Variants in TMEM143 observed in about 807,000 individuals in gnomAD.
The protein encoded by TMEM143 is transmembrane protein 143.
In TMEM143, 45 loss-of-function variants were observed where a neutral mutation model predicts 40.3. The ratio of observed to expected loss-of-function variants is 1.12; its 90% CI spans 0.88 to 1.43. The LOEUF (loss-of-function observed/expected upper bound fraction) is 1.43. Among genes scored for constraint, TMEM143 ranks in the 40% most tolerant of loss-of-function variants. TMEM143 has a pLI of 0.00. For missense variants in TMEM143, 620 were observed against 613.4 expected (o/e 1.01, Z -0.11); for synonymous variants, 299 against 282.7 (o/e 1.06, Z -0.58).
intron 3 of TMEM143, among the ~76,000 whole-genome samples, chr19:48,355,368 G>A (rs1344042987): frequency 2.0e-5 from 3 of 152,086 alleles, no homozygotes; most frequent in East Asian, 1.9e-4. Flanking sequence ...AAAAACAACC[G>A]TGGCTCCAGA....
At chr19:48,362,766 C>T (rs1307404398) in intron 2 of TMEM143, among the ~76,000 whole-genome samples, 1 of 152,140 alleles carries the variant, frequency 6.6e-6, no homozygotes, top group Non-Finnish European at 1.5e-5. Flanking sequence ...TGGTTCAAAT[C>T]TAAGCCACTA....
intron 3 of TMEM143, among the ~76,000 whole-genome samples, chr19:48,357,577 C>T (rs893648937): frequency 8.0e-5 from 12 of 150,784 alleles, no homozygotes; most frequent in African/African-American, 2.2e-4. Context: ...AGGATGGTCT[C>T]GATCTCCTGA....
intron 3 of TMEM143, among the ~76,000 whole-genome samples, chr19:48,352,256 A>AAAAAAAAAAAC (rs1555887047): frequency 1.4e-5 from 2 of 147,224 alleles, no homozygotes; most frequent in East Asian, 4.0e-4. Flanking sequence ...CAAAAAAAAA[A>AAAAAAAAAAAC]AAAAAACACC....
rs1458293278 is a variant in TMEM143, at chr19:48,343,413, G to C, written c.603C>G (p.Phe201Leu). Residue 201 changes from phenylalanine (F) to leucine (L), a missense_variant, in exon 5 of 8, where the codon TTC becomes TTG. Coordinates refer to ENST00000293261, the MANE Select transcript of TMEM143 (RefSeq NM_018273.4). The part of the protein sequence containing the change: ...VNLDQYVYIH[F>L]WALGQRVGQM... ...GCCCGACTCGCTGGCCCAGGGCCCA[G>C]AAGTGAATGTAGACATACTGATCCA... The C allele has an allele frequency of 1.9e-6, 3 of 1,591,746 alleles. No individual in the cohort carries two copies. Among genetic ancestry groups the C allele is most frequent in the African/African-American group, 2.7e-5 (2 of 74,514 alleles).
intron 6 of TMEM143, among the ~76,000 whole-genome samples, chr19:48,339,539 G>A (rs1053064403): frequency 6.6e-6 from 1 of 152,164 alleles, no homozygotes; most frequent in African/African-American, 2.4e-5. Context: ...GGAGGGTTGA[G>A]GCAGCTGGAC....
chr19:48,355,243 C>T (rs1168106116), intron 3 of TMEM143, among the ~76,000 whole-genome samples: 1 of 152,094 alleles, frequency 6.6e-6, no homozygotes, highest in Admixed American at 6.6e-5. Flanking sequence ...GTTTGCCAGA[C>T]TGGTCTCGAA....
rs766616891 is a variant in TMEM143, at chr19:48,334,083, C to G, written c.1090G>C (p.Glu364Gln). 2.5e-6 allele frequency: 4 copies of G among 1,588,618 alleles called. No homozygotes were observed. The highest frequency in any genetic ancestry group is 3.4e-6 in the Non-Finnish European group (4 of 1,168,932). Residue 364 changes from glutamate to glutamine, a missense_variant, in exon 7 of 8, where the codon GAG becomes CAG. Transcript: ENST00000293261. ...LSALALRAQD[E>Q]HTKEALLAHS... is the part of the protein sequence containing the mutation. ...GCCAGCAGCGCCTCCTTGGTGTGCT[C>G]GTCCTGCGCGCGCAGGGCCAGGGCG... is the stretch of plus-strand genomic sequence containing the variant.
At chr19:48,334,410 TTTTCTC>T (rs1251085443) in intron 6 of TMEM143, among the ~76,000 whole-genome samples, 1 of 120,778 alleles carries the variant, frequency 8.3e-6, no homozygotes, top group South Asian at 2.7e-4. Context: ...TTTTCTTTCT[TTTTCTC>T]TCTTTCTTTC....
Position 48,333,944 on chromosome 19 carries a change from T to C in TMEM143, c.1165+64A>G. 6.9e-7 allele frequency: 1 copy of C among 1,445,304 alleles called. No homozygotes were observed. The highest frequency in any genetic ancestry group is 2.6e-5 in the Admixed American group (1 of 38,918). 89.5% of individuals were successfully genotyped at this position (1,445,304 alleles called of 1,614,324 possible). ...TGGGAACTGGGGGTGGGGACGCATC[T>C]CGCTGGGGCGGGGCCTCGCGGGGGT... is the stretch of plus-strand genomic sequence containing the variant. On this transcript the variant is annotated intron_variant, in intron 7 of 7. Coordinates refer to ENST00000293261, the MANE Select transcript of TMEM143 (RefSeq NM_018273.4). This position sits in a 1 kb window ranked among gnomAD's most constrained non-coding sequence, Gnocchi z 4.1.
In TMEM143 at chr19:48,338,974, G is replaced by A. The variant is rs547474163; in HGVS notation, c.975+3556C>T. Among the ~76,000 whole-genome samples, 18 of 152,296 alleles carry A rather than the reference G, an allele frequency of 1.2e-4. No homozygotes were observed. In the East Asian group the frequency reaches 2.3e-3, roughly 20 times the overall value. On this transcript the variant is annotated intron_variant, in intron 6 of 7. Coordinates refer to ENST00000293261, the MANE Select transcript of TMEM143 (RefSeq NM_018273.4). ...AACAGCACAGGCAAAGGCAGAGAAC[G>A]AGGGATGGCAGGGTGGGGGCGCCGC...
At chr19:48,341,012 C>T (rs918531063) in intron 6 of TMEM143, among the ~76,000 whole-genome samples, 3 of 152,226 alleles carry the variant, frequency 2.0e-5, no homozygotes, top group African/African-American at 4.8e-5. Flanking sequence ...AGTATGCCAG[C>T]ACCCTCTCAG....
Position 48,333,165 on chromosome 19 carries a change from A to G in TMEM143, c.*54T>C. The G allele has an allele frequency of 7.6e-7, 1 of 1,315,350 alleles. No homozygotes were observed. Among genetic ancestry groups the G allele is most frequent in the Non-Finnish European group, 1.0e-6 (1 of 989,996 alleles). 81.5% of individuals were successfully genotyped at this position (1,315,350 alleles called of 1,614,324 possible). The stretch of plus-strand genomic sequence containing the variant: ...AACCGTAATTGACAGCCTGTCGTGA[A>G]GGAGGCGGGGCTTAGTTCCTAGCCT... On this transcript the variant is annotated 3_prime_UTR_variant, in exon 8 of 8. Coordinates refer to ENST00000293261, the MANE Select transcript of TMEM143 (RefSeq NM_018273.4). The surrounding 1 kb of genome is among the most constrained non-coding windows in gnomAD (Gnocchi z 4.1).
chr19:48,352,783 AT>A (rs1969806115), intron 3 of TMEM143, among the ~76,000 whole-genome samples: 1 of 151,656 alleles, frequency 6.6e-6, no homozygotes, highest in African/African-American at 2.4e-5. Flanking sequence ...TCAGAAAAAA[AT>A]ATATATATAT....
chr19:48,348,906 T>C (rs1232001663), intron 3 of TMEM143, among the ~76,000 whole-genome samples: 2 of 152,158 alleles, frequency 1.3e-5, no homozygotes, highest in South Asian at 2.1e-4. Flanking sequence ...CTGGGCGCGA[T>C]TGCTCATGCC....
chr19:48,363,268 CTT>C (rs1161980131), intron 2 of TMEM143, 21 bp downstream of exon 2: 2 of 1,602,280 alleles, frequency 1.2e-6, no homozygotes, highest in Non-Finnish European at 1.7e-6. Context: ...TCCCCAGGCT[CTT>C]GGGCCTGGGA....
intron 6 of TMEM143, among the ~76,000 whole-genome samples, chr19:48,338,470 C>T (rs147836786): frequency 6.0e-4 from 92 of 152,366 alleles, no homozygotes; most frequent in African/African-American, 1.9e-3. Flanking sequence ...CTGAAAAAGC[C>T]GGTTTACCCT....
At chr19:48,337,324 G>T (rs1335395688) in intron 6 of TMEM143, among the ~76,000 whole-genome samples, 1 of 151,996 alleles carries the variant, frequency 6.6e-6, no homozygotes, top group Admixed American at 6.6e-5. Flanking sequence ...CGAGGCGGGC[G>T]GATCACGAGG....
At chr19:48,363,266 C>A in intron 2 of TMEM143, 25 bp downstream of exon 2, 1 of 1,601,432 alleles carries the variant, frequency 6.2e-7, no homozygotes, top group Non-Finnish European at 8.5e-7. Context: ...AGTCCCCAGG[C>A]TCTTGGGCCT....
intron 4 of TMEM143, 83 bp downstream of exon 4, chr19:48,345,077 C>A: frequency 6.9e-7 from 1 of 1,457,952 alleles, no homozygotes; most frequent in Non-Finnish European, 9.3e-7. Context: ...AGGACTACAA[C>A]TCCCAGCAGC....
Sources: allele counts gnomAD v4.1 joint callset (sites outside exome capture counted in the v4.1 genomes callset), GRCh38; gene constraint gnomAD v4.1.1; non-coding constraint Gnocchi (gnomAD v3.1); transcripts MANE v1.5; gene names NCBI Gene and HGNC (gene_info 2026-07-23, HGNC 2026-07-21).